Variants in CDKAL1 observed in about 807,000 individuals in gnomAD.
CDKAL1 encodes the protein threonylcarbamoyladenosine tRNA methylthiotransferase.
CDKAL1 carries 32 observed loss-of-function variants against 68.2 expected under a neutral mutation model. That is an observed-to-expected ratio of 0.47 (90% CI 0.35 to 0.63). The LOEUF (loss-of-function observed/expected upper bound fraction) is 0.63. Ranked by LOEUF, CDKAL1 falls within the 30% of genes least tolerant of loss-of-function variation. The probability of loss-of-function intolerance (pLI) is 0.00; values close to 1 mark genes in which losing one functional copy is unlikely to be tolerated. For missense variants in CDKAL1, 606 were observed against 696.7 expected, an observed-to-expected ratio of 0.87 and a Z score of 1.47; for synonymous variants, 234 against 244.3, an observed-to-expected ratio of 0.96 and a Z score of 0.39.
At chr6:20,686,234 C>T (rs967444458) in intron 5 of CDKAL1, among the ~76,000 whole-genome samples, 1 of 152,126 alleles carries the variant, frequency 6.6e-6, no homozygotes, top group Admixed American at 6.5e-5. Flanking sequence ...GTCCCCAACC[C>T]CTGGGCCATG....
At chr6:21,191,713 C>CTGTCTAGG (rs1778245362) in intron 13 of CDKAL1, among the ~76,000 whole-genome samples, 1 of 150,528 alleles carries the variant, frequency 6.6e-6, no homozygotes, top group South Asian at 2.1e-4. Flanking sequence ...CTTTCTTTGT[C>CTGTCTAGG]TGTCTAGGGG....
intron 8 of CDKAL1, among the ~76,000 whole-genome samples, chr6:20,803,245 C>T (rs1209672988): frequency 6.6e-6 from 1 of 152,150 alleles, no homozygotes; most frequent in East Asian, 1.9e-4. Context: ...AGTCCCATGG[C>T]TTCTTCCAGC....
intron 4 of CDKAL1, among the ~76,000 whole-genome samples, chr6:20,609,624 G>A (rs1206767404): frequency 6.6e-6 from 1 of 151,810 alleles, no homozygotes; most frequent in Non-Finnish European, 1.5e-5. Context: ...TCAAATTCCT[G>A]ACTTCAAGTG....
chr6:20,536,087 C>G (rs928027060), intron 2 of CDKAL1, among the ~76,000 whole-genome samples: 1 of 143,572 alleles, frequency 7.0e-6, no homozygotes, highest in Non-Finnish European at 1.5e-5. Context: ...TGCCACCATG[C>G]CCGGCTAAAT....
rs1383696727 is a variant in CDKAL1, at chr6:20,765,301, C to T, written c.517+6658C>T. Among the ~76,000 whole-genome samples the T allele has an allele frequency of 2.4e-5, 2 of 84,190 alleles. 1 individual carries two copies. The highest frequency in any genetic ancestry group is 4.6e-5 in the Non-Finnish European group (2 of 43,170). 55.2% of individuals were successfully genotyped at this position (84,190 alleles called of 152,430 possible). A position where few individuals can be genotyped will look rare whatever the true frequency, so the allele number is the denominator to read the frequency against. The stretch of plus-strand genomic sequence containing the variant: ...CCTCCCAAGTAGCTGGGACTACAGG[C>T]GCCCGCCACTACGCCCGGCTAATTT... On this transcript the variant is annotated intron_variant, in intron 7 of 15. Transcript: ENST00000274695.
At chr6:21,226,570 C>T (rs1236285355) in intron 15 of CDKAL1, among the ~76,000 whole-genome samples, 5 of 152,176 alleles carry the variant, frequency 3.3e-5, no homozygotes, top group Admixed American at 6.5e-5. Context: ...AGATAAATAA[C>T]GCCTTTTGCG....
intron 14 of CDKAL1, 105 bp downstream of exon 14, chr6:21,198,209 C>T (rs1778545641): frequency 1.4e-6 from 1 of 722,736 alleles, no homozygotes; most frequent in Non-Finnish European, 2.3e-6. Flanking sequence ...CTTGTCACAA[C>T]AAGGCTGTTT....
intron 10 of CDKAL1, among the ~76,000 whole-genome samples, chr6:20,965,995 G>T (rs1446221745): frequency 2.0e-5 from 3 of 152,114 alleles, no homozygotes; most frequent in Non-Finnish European, 4.4e-5. Flanking sequence ...GCCTATGAAA[G>T]GCTACCTTAG....
intron 4 of CDKAL1, among the ~76,000 whole-genome samples, chr6:20,614,001 G>C (rs1766771420): frequency 6.6e-6 from 1 of 151,810 alleles, no homozygotes; most frequent in Non-Finnish European, 1.5e-5. Context: ...TTTGATCTTT[G>C]CCCATCTGAT....
chr6:20,727,452 A>G (rs1294333563), intron 5 of CDKAL1, among the ~76,000 whole-genome samples: 4 of 152,232 alleles, frequency 2.6e-5, no homozygotes, highest in African/African-American at 9.6e-5. Context: ...AAATACAGAG[A>G]AGAGTCTTGT....
intron 8 of CDKAL1, among the ~76,000 whole-genome samples, chr6:20,834,576 CAA>C (rs1202829584): frequency 1.3e-5 from 2 of 152,128 alleles, no homozygotes; most frequent in Non-Finnish European, 1.5e-5. Flanking sequence ...GTTATAAAGG[CAA>C]AGAGGACCTC....
chr6:20,890,496 G>A (rs149632826), intron 9 of CDKAL1, among the ~76,000 whole-genome samples: 128 of 152,268 alleles, frequency 8.4e-4, no homozygotes, highest in African/African-American at 3.0e-3. Flanking sequence ...AAGAAAAAAC[G>A]TTTATAAAAT....
intron 8 of CDKAL1, among the ~76,000 whole-genome samples, chr6:20,838,855 G>A (rs769662305): frequency 2.6e-5 from 4 of 151,864 alleles, no homozygotes; most frequent in Non-Finnish European, 5.9e-5. Context: ...GGTGCCTGTA[G>A]TCCCAGCTAC....
At chr6:20,680,579 A>G (rs984826091) in intron 5 of CDKAL1, among the ~76,000 whole-genome samples, 1 of 152,162 alleles carries the variant, frequency 6.6e-6, no homozygotes, top group Non-Finnish European at 1.5e-5. Context: ...CTTTTTAAGG[A>G]TGGTTGAAAC....
chr6:20,686,553 A>G (rs1770635526), intron 5 of CDKAL1, among the ~76,000 whole-genome samples: 2 of 152,230 alleles, frequency 1.3e-5, no homozygotes, highest in African/African-American at 4.8e-5. Flanking sequence ...TATTATGGTG[A>G]GTTGTGTAAC....
intron 12 of CDKAL1, among the ~76,000 whole-genome samples, chr6:21,067,182 A>C (rs1347042144): frequency 6.6e-6 from 1 of 152,032 alleles, no homozygotes; most frequent in Non-Finnish European, 1.5e-5. Flanking sequence ...GGTCCCTGTC[A>C]TGTCCTCCAT....
intron 8 of CDKAL1, among the ~76,000 whole-genome samples, chr6:20,808,719 A>G (rs1378462206): frequency 1.3e-5 from 2 of 152,162 alleles, no homozygotes; most frequent in African/African-American, 2.4e-5. Context: ...TGTATGTATT[A>G]TTAGTATGAG....
chr6:20,583,323 A>G (rs1765211610), intron 4 of CDKAL1, among the ~76,000 whole-genome samples: 2 of 152,152 alleles, frequency 1.3e-5, no homozygotes, highest in African/African-American at 2.4e-5. Context: ...ATCAGTATTG[A>G]TGTCTTCAGT....
At chr6:21,153,297 G>T (rs1156828477) in intron 13 of CDKAL1, among the ~76,000 whole-genome samples, 1 of 124,918 alleles carries the variant, frequency 8.0e-6, no homozygotes, top group African/African-American at 3.1e-5. Flanking sequence ...CAAATACAAA[G>T]AAAAGAATTG....
Sources: allele counts gnomAD v4.1 joint callset (sites outside exome capture counted in the v4.1 genomes callset), GRCh38; gene constraint gnomAD v4.1.1; transcripts MANE v1.5; gene names NCBI Gene and HGNC (gene_info 2026-07-23, HGNC 2026-07-21).